ADAMTSL1: variants seen among roughly 807,000 people sequenced by gnomAD.
The protein encoded by ADAMTSL1 is ADAMTS-like protein 1.
Under a neutral mutation model 201.8 loss-of-function variants are expected in ADAMTSL1, and 126 were observed. The ratio of observed to expected loss-of-function variants is 0.62; its 90% confidence interval spans 0.54 to 0.72. The LOEUF (loss-of-function observed/expected upper bound fraction) is 0.72, where lower values mean the gene tolerates loss of function less well. Ranked by LOEUF, ADAMTSL1 falls within the 30% of genes least tolerant of loss-of-function variation. The pLI, the probability that ADAMTSL1 is intolerant of heterozygous loss-of-function variation, is 0.00. For synonymous variants in ADAMTSL1, 1,121 were observed against 903.4 expected (o/e 1.24, Z -4.32); for missense variants, 2,679 against 2,277.8 (o/e 1.18, Z -3.59).
intron 2 of ADAMTSL1, among the ~76,000 whole-genome samples, chr9:18,524,543 T>C (rs1305623384): frequency 1.3e-5 from 2 of 152,224 alleles, no homozygotes; most frequent in East Asian, 1.9e-4. Context: ...ATGCTTCCAG[T>C]TTTTGCCCAT....
intron 1 of ADAMTSL1, among the ~76,000 whole-genome samples, chr9:18,031,970 G>A (rs1820978284): frequency 6.6e-6 from 1 of 152,166 alleles, no homozygotes; most frequent in South Asian, 2.1e-4. Flanking sequence ...AGGGATTTTA[G>A]TCCAGCTGAT....
intron 2 of ADAMTSL1, among the ~76,000 whole-genome samples, chr9:18,368,180 G>T (rs1290093922): frequency 6.6e-6 from 1 of 152,086 alleles, no homozygotes; most frequent in Non-Finnish European, 1.5e-5. Flanking sequence ...CTCCCAAAGT[G>T]CTGCGATTAC....
chr9:18,574,204 G>C lies in ADAMTSL1; in HGVS notation c.412G>C (p.Val138Leu), dbSNP rs1245913355. 6.2e-7 allele frequency: 1 copy of C among 1,614,148 alleles called. No individual in the cohort carries two copies. The highest frequency in any genetic ancestry group is 1.7e-5 in the Admixed American group (1 of 60,026). ...CCTGGTTGTTGAACTAGCACCTAAG[G>C]TCTTAGATGGTACGCGTTGCTATAC... Reference protein sequence around the residue: ...TTLVVELAPKVLDGTRCYTES... With the variant: ...TTLVVELAPKLLDGTRCYTES... The change falls in exon 4 of 29, where the codon GTC becomes CTC. Residue 138 changes from valine to leucine, a missense_variant. Physicochemically the swap from Val to Leu is conservative, Grantham distance 32. Transcript: ENST00000380548.
chr9:18,641,104 A>C lies in ADAMTSL1; in HGVS notation c.834+1693A>C, dbSNP rs548794064. 3.9e-5 allele frequency among the ~76,000 whole-genome samples: 6 copies of C among 152,030 alleles called. No homozygotes were observed. In the East Asian group the frequency reaches 1.2e-3, roughly 29 times the overall value. On this transcript the variant is annotated intron_variant, in intron 7 of 28. Coordinates refer to ENST00000380548, the MANE Select transcript of ADAMTSL1 (RefSeq NM_001040272.6). The stretch of plus-strand genomic sequence containing the variant: ...TGCCGGGCAGGTCCCCCAGCACCTT[A>C]CACTCTCATAACTCATTACCTTTGC...
intron 2 of ADAMTSL1, among the ~76,000 whole-genome samples, chr9:18,355,691 T>G (rs144061841): frequency 1.3e-5 from 2 of 152,256 alleles, no homozygotes; most frequent in Non-Finnish European, 2.9e-5. Flanking sequence ...AAGTAATGCT[T>G]CTTACTAAAA....
At chr9:18,483,752 G>T (rs1159527717) in intron 1 of ADAMTSL1, among the ~76,000 whole-genome samples, 2 of 152,162 alleles carry the variant, frequency 1.3e-5, no homozygotes, top group African/African-American at 4.8e-5. Flanking sequence ...GCGTGAACCT[G>T]GGAGGCGGAG....
At chr9:18,489,141 G>T (rs1341232742) in intron 1 of ADAMTSL1, among the ~76,000 whole-genome samples, 1 of 152,134 alleles carries the variant, frequency 6.6e-6, no homozygotes, top group Non-Finnish European at 1.5e-5. Flanking sequence ...TAATTTGAAT[G>T]TATAGACAGA....
At chr9:18,490,208 A>G (rs1242770729) in intron 1 of ADAMTSL1, among the ~76,000 whole-genome samples, 3 of 152,168 alleles carry the variant, frequency 2.0e-5, no homozygotes, top group South Asian at 2.1e-4. Flanking sequence ...CTGGGGTCCC[A>G]GTTGTGTATC....
At chr9:18,112,109 G>A (rs1180164740) in intron 1 of ADAMTSL1, among the ~76,000 whole-genome samples, 1 of 152,220 alleles carries the variant, frequency 6.6e-6, no homozygotes, top group East Asian at 1.9e-4. Flanking sequence ...CACTTATTTA[G>A]TTGTCACCCT....
intron 1 of ADAMTSL1, among the ~76,000 whole-genome samples, chr9:17,972,459 C>T (rs1208413521): frequency 6.6e-6 from 1 of 151,448 alleles, no homozygotes; most frequent in Admixed American, 6.6e-5. Context: ...TGATGGTTTC[C>T]AGTTTCATCC....
At chr9:18,187,493 A>G (rs1410987835) in intron 2 of ADAMTSL1, among the ~76,000 whole-genome samples, 1 of 152,170 alleles carries the variant, frequency 6.6e-6, no homozygotes, top group East Asian at 1.9e-4. Flanking sequence ...AAGATTGCAC[A>G]GTAATGTGTA....
intron 2 of ADAMTSL1, among the ~76,000 whole-genome samples, chr9:18,214,552 G>A: frequency 6.6e-6 from 1 of 152,246 alleles, no homozygotes; most frequent in Middle Eastern, 3.4e-3. Context: ...ATTTAGAAAA[G>A]ATATACTACA....
intron 2 of ADAMTSL1, among the ~76,000 whole-genome samples, chr9:18,214,800 G>GA (rs1216002190): frequency 6.6e-6 from 1 of 152,052 alleles, no homozygotes; most frequent in Non-Finnish European, 1.5e-5. Context: ...TTACTACCTA[G>GA]AAAGAAACTA....
chr9:18,778,887 C>T (rs11789625), intron 19 of ADAMTSL1, among the ~76,000 whole-genome samples: 30,019 of 152,144 alleles, frequency 0.2, 3,651 homozygotes, highest in South Asian at 0.26. Flanking sequence ...TCATAGTCCT[C>T]TAGTCTAGAT....
chr9:18,623,867 C>T (rs1826190244), intron 5 of ADAMTSL1, among the ~76,000 whole-genome samples: 1 of 152,288 alleles, frequency 6.6e-6, no homozygotes, highest in Non-Finnish European at 1.5e-5. Context: ...GAATGAATAT[C>T]TTTACTGAAT....
chr9:18,500,951 A>G (rs2149875), intron 1 of ADAMTSL1, among the ~76,000 whole-genome samples: 84,893 of 152,010 alleles, frequency 0.56, 23,781 homozygotes, highest in African/African-American at 0.57. Flanking sequence ...TTTGATCACT[A>G]TGTTCAATAG....
intron 2 of ADAMTSL1, among the ~76,000 whole-genome samples, chr9:18,185,958 G>A (rs747426675): frequency 2.0e-4 from 31 of 152,156 alleles, no homozygotes; most frequent in Non-Finnish European, 3.7e-4. Flanking sequence ...TTAAATGAAG[G>A]CATCATAAAA....
intron 2 of ADAMTSL1, among the ~76,000 whole-genome samples, chr9:18,419,544 A>G (rs1022418483): frequency 1.7e-4 from 26 of 152,182 alleles, no homozygotes; most frequent in Non-Finnish European, 7.3e-5. Flanking sequence ...AAATTCACCA[A>G]GATACCATTC....
chr9:18,448,022 G>A (rs1163093757), intron 2 of ADAMTSL1, among the ~76,000 whole-genome samples: 2 of 151,420 alleles, frequency 1.3e-5, no homozygotes, highest in Non-Finnish European at 2.9e-5. Context: ...GCTCGCTCTC[G>A]CTCTTTCTCT....
Sources: allele counts gnomAD v4.1 joint callset (sites outside exome capture counted in the v4.1 genomes callset), GRCh38; gene constraint gnomAD v4.1.1; transcripts MANE v1.5; gene names NCBI Gene and HGNC (gene_info 2026-07-23, HGNC 2026-07-21).